CLNK: variants seen among roughly 807,000 people sequenced by gnomAD.
The protein encoded by CLNK is cytokine-dependent hematopoietic cell linker.
In CLNK, 74 loss-of-function variants were observed where a neutral mutation model predicts 68.6. The ratio of observed to expected loss-of-function variants is 1.08; its 90% CI spans 0.89 to 1.31. The LOEUF (loss-of-function observed/expected upper bound fraction) is 1.31. Ranked by LOEUF, CLNK falls within the 50% of genes most tolerant of loss-of-function variation. The pLI, the probability that CLNK is intolerant of heterozygous loss-of-function variation, is 0.00. For missense variants in CLNK, 553 were observed against 515.3 expected (o/e 1.07, Z -0.71); for synonymous variants, 198 against 172.2 (o/e 1.15, Z -1.17).
intron 2 of CLNK, among the ~76,000 whole-genome samples, chr4:10,646,164 T>C (rs942998385): frequency 2.6e-5 from 4 of 152,190 alleles, no homozygotes; most frequent in African/African-American, 7.2e-5. Flanking sequence ...ATTACCTTGA[T>C]TTGACCATTA....
intron 2 of CLNK, among the ~76,000 whole-genome samples, chr4:10,663,345 G>A (rs945933505): frequency 5.9e-5 from 9 of 152,126 alleles, no homozygotes; most frequent in South Asian, 2.1e-4. Flanking sequence ...CATGACATCC[G>A]GATCCCTTCT....
At chr4:10,578,434 T>G (rs1432687710) in intron 4 of CLNK, among the ~76,000 whole-genome samples, 1 of 151,964 alleles carries the variant, frequency 6.6e-6, no homozygotes, top group Non-Finnish European at 1.5e-5. Context: ...CATCTGGGTG[T>G]CCCCTTATCA....
chr4:10,677,514 G>T (rs970187133), intron 1 of CLNK, among the ~76,000 whole-genome samples: 4 of 152,056 alleles, frequency 2.6e-5, no homozygotes, highest in Non-Finnish European at 5.9e-5. Context: ...ATCTCATCTC[G>T]ATTTGTAATC....
At chr4:10,546,822 C>A (rs1449905080) in intron 8 of CLNK, among the ~76,000 whole-genome samples, 1 of 152,078 alleles carries the variant, frequency 6.6e-6, no homozygotes, top group African/African-American at 2.4e-5. Flanking sequence ...GAATTTATTT[C>A]TTTCAGTTGT....
chr4:10,628,873 T>C (rs1279357530), intron 2 of CLNK, among the ~76,000 whole-genome samples: 2 of 151,998 alleles, frequency 1.3e-5, no homozygotes, highest in Non-Finnish European at 2.9e-5. Flanking sequence ...TTTGTCTGAG[T>C]TTTCATGAGC....
At chr4:10,666,755 C>A (rs4697773) in intron 2 of CLNK, among the ~76,000 whole-genome samples, 3 of 152,018 alleles carry the variant, frequency 2.0e-5, no homozygotes, top group Non-Finnish European at 4.4e-5. Context: ...CTGTGGACTA[C>A]GTGCCAGGGA....
At chr4:10,532,073 C>T (rs1718566317) in intron 12 of CLNK, 183 bp downstream of exon 12, 2 of 654,288 alleles carry the variant, frequency 3.1e-6, no homozygotes, top group Admixed American at 2.4e-5. Context: ...GGTTTAAAAT[C>T]TGGAGCTAAG....
intron 3 of CLNK, among the ~76,000 whole-genome samples, chr4:10,597,451 C>T (rs575383303): frequency 6.6e-6 from 1 of 152,206 alleles, no homozygotes; most frequent in Non-Finnish European, 1.5e-5. Flanking sequence ...GACTAGTCTG[C>T]GAGCTCCTTG....
At chr4:10,661,416 G>T (rs1724187534) in intron 2 of CLNK, among the ~76,000 whole-genome samples, 2 of 152,214 alleles carry the variant, frequency 1.3e-5, no homozygotes, top group South Asian at 4.1e-4. Flanking sequence ...AAATACACAA[G>T]CATGATGTTC....
chr4:10,655,568 G>A (rs951810876), intron 2 of CLNK, among the ~76,000 whole-genome samples: 6 of 150,304 alleles, frequency 4.0e-5, no homozygotes, highest in African/African-American at 1.5e-4. Context: ...ACCTAGAAAA[G>A]ATCTACCTAA....
At chr4:10,528,597 GTATT>G (rs1718418366) in intron 12 of CLNK, among the ~76,000 whole-genome samples, 1 of 152,152 alleles carries the variant, frequency 6.6e-6, no homozygotes, top group Non-Finnish European at 1.5e-5. Context: ...GACATTGTAA[GTATT>G]TATGTAGAGA....
chr4:10,700,691 G>T, the CLNK span, among the ~76,000 whole-genome samples: 1 of 152,140 alleles, frequency 6.6e-6, no homozygotes, highest in East Asian at 1.9e-4. Flanking sequence ...GTGCAGGTGG[G>T]TCGTAAAGGA....
intron 2 of CLNK, among the ~76,000 whole-genome samples, chr4:10,607,492 T>A (rs773881453): frequency 6.6e-6 from 1 of 152,228 alleles, no homozygotes; most frequent in Non-Finnish European, 1.5e-5. Context: ...TTGCAAACCC[T>A]ACTCAGAGAT....
At chr4:10,571,492 G>T (rs1350062557) in intron 5 of CLNK, among the ~76,000 whole-genome samples, 2 of 151,800 alleles carry the variant, frequency 1.3e-5, no homozygotes, top group East Asian at 3.9e-4. Flanking sequence ...ACACCACCAT[G>T]CCTGGCTAAT....
chr4:10,520,719 TA>T, intron 15 of CLNK, 71 bp downstream of exon 15: 1 of 1,180,658 alleles, frequency 8.5e-7, no homozygotes, highest in Non-Finnish European at 1.2e-6. Flanking sequence ...TCACAACAGC[TA>T]AGTCACAGTG....
At chr4:10,586,499 G>C (rs1007544222) in intron 3 of CLNK, among the ~76,000 whole-genome samples, 1 of 151,650 alleles carries the variant, frequency 6.6e-6, no homozygotes, top group Non-Finnish European at 1.5e-5. Flanking sequence ...ATTTTTAGTA[G>C]AGACGGGGTT....
At chr4:10,697,385 C>G in the CLNK span, 1 of 152,120 alleles carries the variant, frequency 6.6e-6, no homozygotes, top group Non-Finnish European at 1.5e-5. Flanking sequence ...TTAGAAGAGC[C>G]CGCATGACTG....
intron 16 of CLNK, among the ~76,000 whole-genome samples, chr4:10,508,759 G>T (rs1717423667): frequency 6.6e-6 from 1 of 152,166 alleles, no homozygotes; most frequent in Non-Finnish European, 1.5e-5. Flanking sequence ...CATCTTTGAA[G>T]TAGGCATGTC....
chr4:10,577,540 A>G (rs1720612793), intron 4 of CLNK, among the ~76,000 whole-genome samples: 1 of 152,240 alleles, frequency 6.6e-6, no homozygotes, highest in South Asian at 2.1e-4. Context: ...GAATCTAGGT[A>G]GAAAATCAAG....
Sources: gnomAD v4.1 joint callset for allele counts (sites outside exome capture counted in the v4.1 genomes callset) on GRCh38, gnomAD v4.1.1 for gene constraint, MANE v1.5 for transcripts, NCBI Gene and HGNC (gene_info 2026-07-23, HGNC 2026-07-21) for gene names.